Variants in FNTB observed in about 807,000 individuals in gnomAD.
FNTB encodes the protein farnesyltransferase, CAAX box, subunit beta, also known as protein farnesyltransferase subunit beta.
A neutral mutation model predicts 59.4 loss-of-function variants in FNTB; 27 were observed. The ratio of observed to expected loss-of-function variants is 0.45; its 90% CI spans 0.34 to 0.63. FNTB has a LOEUF of 0.63. Ranked by LOEUF, FNTB falls within the 20% of genes least tolerant of loss-of-function variation. FNTB has a pLI of 0.02. For synonymous variants in FNTB, 230 were observed against 220.7 expected, an observed-to-expected ratio of 1.04 and a Z score of -0.37; for missense variants, 449 against 559.6, an observed-to-expected ratio of 0.80 and a Z score of 1.99.
intron 11 of FNTB, among the ~76,000 whole-genome samples, chr14:65,055,239 G>C (rs1312272312): frequency 6.6e-6 from 1 of 152,206 alleles, no homozygotes; most frequent in Non-Finnish European, 1.5e-5. Context: ...CCCTATGAGG[G>C]CAGGATGCTC....
chr14:65,061,481 A>G lies in FNTB; in HGVS notation c.*169A>G. On this transcript the variant is annotated 3_prime_UTR_variant, in exon 12 of 12. Coordinates refer to ENST00000246166, the MANE Select transcript of FNTB (RefSeq NM_002028.4). Reference sequence around the variant, plus strand: ...AAACCAATGGCTCTGGGTTTGGAGAACACAGTGGCTGGTTTTAAAAATTCT... The same window carrying G: ...AAACCAATGGCTCTGGGTTTGGAGAGCACAGTGGCTGGTTTTAAAAATTCT... 5.0e-6 allele frequency: 6 copies of G among 1,207,556 alleles called. No individual in the cohort carries two copies. The highest frequency in any genetic ancestry group is 6.7e-6 in the Non-Finnish European group (6 of 899,370). The allele number at this position is 1,207,556 out of a possible 1,614,324, so 74.8% of individuals were successfully genotyped here.
intron 9 of FNTB, among the ~76,000 whole-genome samples, chr14:65,048,284 A>G (rs2062530457): frequency 6.6e-6 from 1 of 151,840 alleles, no homozygotes; most frequent in Non-Finnish European, 1.5e-5. Context: ...TACCTGGCCA[A>G]CTTTTTAGAT....
At chr14:65,024,222 G>C (rs1392715132) in intron 4 of FNTB, among the ~76,000 whole-genome samples, 2 of 152,158 alleles carry the variant, frequency 1.3e-5, no homozygotes, top group Non-Finnish European at 2.9e-5. Flanking sequence ...CTGATACCTG[G>C]CTGAACATTG....
chr14:65,054,663 G>A lies in FNTB; in HGVS notation c.1156G>A (p.Val386Ile), dbSNP rs762695149. 8 of 1,612,738 alleles carry A rather than the reference G, an allele frequency of 5.0e-6. No individual in the cohort carries two copies. Among genetic ancestry groups the A allele is most frequent in the Middle Eastern group, 1.6e-4 (1 of 6,082 alleles). Residue 386 changes from valine (V) to isoleucine (I), a missense_variant, in exon 11 of 12, where the codon GTC (valine) becomes ATC (isoleucine). Coordinates refer to ENST00000246166, the MANE Select transcript of FNTB (RefSeq NM_002028.4). The surrounding 1 kb of genome is among the most constrained non-coding windows in gnomAD (Gnocchi z 4.4). ...FGSGAMLHDV[V>I]LGVPENALQP... ...CAGCGGAGCCATGTTGCATGATGTG[G>A]TCCTGGGTGTGCCCGAAAACGCTCT...
chr14:64,995,196 G>T (rs541892754), intron 1 of FNTB, among the ~76,000 whole-genome samples: 143 of 152,248 alleles, frequency 9.4e-4, no homozygotes, highest in African/African-American at 3.3e-3. Context: ...AAGGCCTTCG[G>T]GGACAGTGAT....
At chr14:65,002,643 C>T (rs1425143628) in intron 1 of FNTB, among the ~76,000 whole-genome samples, 2 of 151,822 alleles carry the variant, frequency 1.3e-5, no homozygotes, top group Non-Finnish European at 2.9e-5. Context: ...AAAGAAAGAC[C>T]GGGGTTGCAG....
At chr14:65,058,527 C>T (rs2062793393) in intron 11 of FNTB, among the ~76,000 whole-genome samples, 1 of 152,190 alleles carries the variant, frequency 6.6e-6, no homozygotes, top group African/African-American at 2.4e-5. Context: ...GCATTCGTCT[C>T]TTGCTCCTGA....
Position 65,025,757 on chromosome 14 carries a change from A to G in FNTB, c.375-1696A>G, listed in dbSNP as rs116297102. Among the ~76,000 whole-genome samples, 837 of 152,304 alleles carry G rather than the reference A, an allele frequency of 5.5e-3. 6 individuals carry two copies. The highest frequency in any genetic ancestry group is 0.019 in the African/African-American group (809 of 41,560). ...TTGAGTCTGGGGAGGTTGAGGCTGC[A>G]GTGAGCCGTGATTATGCCGCTGTCC... On this transcript the variant is annotated intron_variant, in intron 4 of 11. Transcript: ENST00000246166.
intron 11 of FNTB, among the ~76,000 whole-genome samples, chr14:65,055,379 G>A (rs969611733): frequency 6.6e-6 from 1 of 152,106 alleles, no homozygotes; most frequent in African/African-American, 2.4e-5. Flanking sequence ...GAATTTTTGT[G>A]TGCAGTTCCC....
At chr14:65,058,472 T>C (rs928351646) in intron 11 of FNTB, among the ~76,000 whole-genome samples, 5 of 152,234 alleles carry the variant, frequency 3.3e-5, no homozygotes, top group East Asian at 3.8e-4. Flanking sequence ...TGCCTTGTAT[T>C]GTTGGGTAAG....
chr14:65,033,050 GGA>G (rs1246108778), intron 7 of FNTB, among the ~76,000 whole-genome samples: 1 of 152,134 alleles, frequency 6.6e-6, no homozygotes. Flanking sequence ...CACACGAATG[GGA>G]GAGAGGAGCA....
Position 65,054,481 on chromosome 14 carries a change from G to A in FNTB, c.1068-94G>A. ...CCACATGGAGGATGGGGGGGGACGTGTGATTGCACCAGTGGTCTCTGAATT... is the reference window on the plus strand; with the variant it reads ...CCACATGGAGGATGGGGGGGGACGTATGATTGCACCAGTGGTCTCTGAATT... On this transcript the variant is annotated intron_variant, in intron 10 of 11. Coordinates refer to ENST00000246166, the MANE Select transcript of FNTB (RefSeq NM_002028.4). This position sits in a 1 kb window ranked among gnomAD's most constrained non-coding sequence, Gnocchi z 4.4. The A allele has an allele frequency of 7.8e-7, 1 of 1,275,118 alleles. No individual in the cohort carries two copies. Among genetic ancestry groups the A allele is most frequent in the South Asian group, 1.3e-5 (1 of 74,104 alleles). The allele number at this position is 1,275,118 out of a possible 1,614,324, so 79.0% of individuals were successfully genotyped here.
Position 64,987,456 on chromosome 14 carries a change from A to G in FNTB, c.144+359A>G, listed in dbSNP as rs1218556703. The stretch of plus-strand genomic sequence containing the variant: ...AGTACTTCGGGAGGTTCTGGGGTGC[A>G]TAGTGCACTTTTCCCAACCTGCCCT... On this transcript the variant is annotated intron_variant, in intron 1 of 11. Coordinates refer to ENST00000246166, the MANE Select transcript of FNTB (RefSeq NM_002028.4). 5 of 281,834 alleles carry G rather than the reference A, an allele frequency of 1.8e-5. No homozygotes were observed. In the East Asian group the frequency reaches 3.6e-4, roughly 20 times the overall value. The allele number at this position is 281,834 out of a possible 1,614,324, so 17.5% of individuals were successfully genotyped here.
At chr14:65,059,074 G>A (rs1426966894) in intron 11 of FNTB, among the ~76,000 whole-genome samples, 1 of 152,024 alleles carries the variant, frequency 6.6e-6, no homozygotes, top group Non-Finnish European at 1.5e-5. Context: ...TCATGCTGGA[G>A]TACAGTGCTG....
chr14:65,060,425 C>T (rs1165333303), intron 11 of FNTB, among the ~76,000 whole-genome samples: 4 of 145,016 alleles, frequency 2.8e-5, no homozygotes, highest in Non-Finnish European at 4.4e-5. Flanking sequence ...CCTGTCTCTA[C>T]TAAAAATACA....
chr14:65,044,516 G>C lies in FNTB; in HGVS notation c.955+73G>C, dbSNP rs975484730. ...TACTCACAAAGTCTGGAAGCCCAGC[G>C]TGCTTTTTTAGAGGGGTTGAAATGA... On this transcript the variant is annotated intron_variant, in intron 9 of 11. Transcript: ENST00000246166. The surrounding 1 kb of genome is among the most constrained non-coding windows in gnomAD (Gnocchi z 5.5). 1.0e-5 allele frequency: 16 copies of C among 1,547,808 alleles called. No homozygotes were observed. The highest frequency in any genetic ancestry group is 1.4e-5 in the Non-Finnish European group (16 of 1,152,684).
intron 7 of FNTB, among the ~76,000 whole-genome samples, chr14:65,037,748 A>T (rs199898733): frequency 1.2e-4 from 9 of 75,744 alleles, no homozygotes; most frequent in Non-Finnish European, 1.7e-4. Context: ...TTTATTATTT[A>T]TTTATTTATT....
At chr14:65,022,355 A>G (rs2061904678) in intron 4 of FNTB, among the ~76,000 whole-genome samples, 1 of 151,326 alleles carries the variant, frequency 6.6e-6, no homozygotes, top group African/African-American at 2.4e-5. Context: ...CCTAGGCCTT[A>G]AGTCTGTCTA....
intron 2 of FNTB, among the ~76,000 whole-genome samples, chr14:65,005,649 CTGCCCTGTCT>C (rs1566865268): frequency 6.6e-6 from 1 of 151,450 alleles, no homozygotes; most frequent in Non-Finnish European, 1.5e-5. Context: ...CTGCCCTGCC[CTGCCCTGTCT>C]TGCCCTGTCT....
Sources: gnomAD v4.1 joint callset for allele counts (sites outside exome capture counted in the v4.1 genomes callset) on GRCh38, gnomAD v4.1.1 for gene constraint, Gnocchi (gnomAD v3.1) non-coding constraint, MANE v1.5 for transcripts, NCBI Gene and HGNC (gene_info 2026-07-23, HGNC 2026-07-21) for gene names.